The following SUMF1 variants were observed in gnomAD, a reference collection of about 807,000 sequenced individuals.
The protein encoded by SUMF1 is sulfatase modifying factor 1, also known as formylglycine-generating enzyme.
Under a neutral mutation model 47.6 loss-of-function variants are expected in SUMF1, and 48 were observed. The ratio of observed to expected loss-of-function variants is 1.01; its 90% CI spans 0.80 to 1.28. The LOEUF (loss-of-function observed/expected upper bound fraction) is 1.28. Ranked by LOEUF, SUMF1 falls within the 50% of genes most tolerant of loss-of-function variation. The pLI, the probability that SUMF1 is intolerant of heterozygous loss-of-function variation, is 0.00. For missense variants in SUMF1, 571 were observed against 485.4 expected, an observed-to-expected ratio of 1.18 and a Z score of -1.66; for synonymous variants, 230 against 192.1, an observed-to-expected ratio of 1.20 and a Z score of -1.63.
intron 8 of SUMF1, among the ~76,000 whole-genome samples, chr3:4,328,238 TA>T (rs1459929230): frequency 6.6e-6 from 1 of 151,814 alleles, no homozygotes; most frequent in African/African-American, 2.4e-5. Flanking sequence ...AATATAAATT[TA>T]AAAAATAAAT....
intron 8 of SUMF1, among the ~76,000 whole-genome samples, chr3:4,306,085 G>A (rs201594178): frequency 1.3e-5 from 2 of 152,086 alleles, no homozygotes; most frequent in Non-Finnish European, 2.9e-5. Flanking sequence ...ACAGAAAAAC[G>A]CACTCTACCC....
intron 8 of SUMF1, among the ~76,000 whole-genome samples, chr3:4,284,679 C>T (rs1407792933): frequency 6.6e-6 from 1 of 151,784 alleles, no homozygotes; most frequent in African/African-American, 2.4e-5. Context: ...GGCAGTCACA[C>T]TAGCGTCAAC....
chr3:4,308,893 C>A (rs1047437197), intron 8 of SUMF1, among the ~76,000 whole-genome samples: 1 of 152,220 alleles, frequency 6.6e-6, no homozygotes, highest in African/African-American at 2.4e-5. Flanking sequence ...TATGAGTGAG[C>A]ATGGACCATG....
At chr3:4,159,523 G>GT (rs200112225) in intron 8 of SUMF1, among the ~76,000 whole-genome samples, 39 of 150,558 alleles carry the variant, frequency 2.6e-4, no homozygotes, top group African/African-American at 7.8e-4. Context: ...AAAAGTTGTA[G>GT]TTTTTTTTTG....
intron 8 of SUMF1, among the ~76,000 whole-genome samples, chr3:4,287,522 T>C (rs924975645): frequency 1.3e-5 from 2 of 152,168 alleles, no homozygotes; most frequent in African/African-American, 4.8e-5. Flanking sequence ...TCATTTCTCA[T>C]TCCACATTGA....
intron 9 of SUMF1, among the ~76,000 whole-genome samples, chr3:4,049,027 A>G (rs1695057316): frequency 6.6e-6 from 1 of 152,190 alleles, no homozygotes; most frequent in Non-Finnish European, 1.5e-5. Context: ...CTAACCTAAC[A>G]GATATAGATT....
At chr3:4,087,706 T>G (rs1047473902) in intron 8 of SUMF1, among the ~76,000 whole-genome samples, 1 of 151,800 alleles carries the variant, frequency 6.6e-6, no homozygotes, top group African/African-American at 2.4e-5. Flanking sequence ...ATAATCAAAT[T>G]GAAAGGAAAC....
In SUMF1 at chr3:4,155,615, T is replaced by C. The variant is rs180883303; in HGVS notation, c.1015-86870A>G. 5.3e-5 allele frequency among the ~76,000 whole-genome samples: 8 copies of C among 151,600 alleles called. 1 individual carries two copies. Among genetic ancestry groups the C allele is most frequent in the African/African-American group, 2.0e-4 (8 of 40,958 alleles). On this transcript the variant is annotated intron_variant and NMD_transcript_variant, in intron 8 of 12. Coordinates refer to the SUMF1 transcript ENST00000448413. ...CAATTTTCTCTTCAGATCAGTTCTA[T>C]GATGTGATTTGGGGCTCAGCTTTAA...
At chr3:4,102,651 T>A (rs1364768087) in intron 8 of SUMF1, among the ~76,000 whole-genome samples, 1 of 152,156 alleles carries the variant, frequency 6.6e-6, no homozygotes, top group Non-Finnish European at 1.5e-5. Flanking sequence ...CATTGCTTAG[T>A]ATTATATATG....
chr3:4,064,806 G>A (rs1695341037), intron 9 of SUMF1, among the ~76,000 whole-genome samples: 1 of 152,124 alleles, frequency 6.6e-6, no homozygotes, highest in Non-Finnish European at 1.5e-5. Flanking sequence ...TCCTGAGAAG[G>A]AGTACGCTTC....
chr3:4,061,198 T>A (rs1027458904), intron 9 of SUMF1, among the ~76,000 whole-genome samples: 2 of 152,202 alleles, frequency 1.3e-5, no homozygotes, highest in Non-Finnish European at 2.9e-5. Context: ...ATAGCACTGA[T>A]GTTTATGGTT....
chr3:4,138,095 A>C (rs1693987663), intron 8 of SUMF1, among the ~76,000 whole-genome samples: 1 of 152,080 alleles, frequency 6.6e-6, no homozygotes, highest in Admixed American at 6.6e-5. Context: ...TTAGGAATAA[A>C]TTTAAAAAGG....
At chr3:4,439,845 A>T (rs956433233) in intron 3 of SUMF1, among the ~76,000 whole-genome samples, 5 of 152,014 alleles carry the variant, frequency 3.3e-5, no homozygotes, top group Non-Finnish European at 5.9e-5. Context: ...AAGCCACTGC[A>T]CCCAGCCAAG....
intron 8 of SUMF1, among the ~76,000 whole-genome samples, chr3:4,092,221 C>G (rs1692803608): frequency 6.6e-6 from 1 of 152,134 alleles, no homozygotes; most frequent in African/African-American, 2.4e-5. Flanking sequence ...CAATTTCACA[C>G]AGGGCCAGGG....
chr3:4,445,066 T>C (rs185654418), intron 3 of SUMF1, among the ~76,000 whole-genome samples: 21 of 152,336 alleles, frequency 1.4e-4, no homozygotes, highest in African/African-American at 4.8e-4. Flanking sequence ...GCATGTGGTT[T>C]CTTTTAGGGC....
At chr3:4,319,561 C>T (rs574226707) in intron 8 of SUMF1, among the ~76,000 whole-genome samples, 3 of 152,166 alleles carry the variant, frequency 2.0e-5, no homozygotes, top group Non-Finnish European at 4.4e-5. Context: ...TCAGATGAGA[C>T]AAATGTAAAT....
rs377584798 is a variant in SUMF1 at position 4,146,277 on chromosome 3, T to C, written c.1015-77532A>G. 7.7e-4 allele frequency among the ~76,000 whole-genome samples: 116 copies of C among 150,806 alleles called. 3 individuals carry two copies. The South Asian group carries it at 0.024, about 31-fold the overall frequency. ...TAAAACGTGCAGAAATGAAGGGAGA[T>C]GGTAAGAACAGAAGAGGGAGCAGCA... On this transcript the variant is annotated intron_variant and NMD_transcript_variant, in intron 8 of 12. Transcript: ENST00000448413.
intron 8 of SUMF1, among the ~76,000 whole-genome samples, chr3:4,320,267 G>C (rs1698800409): frequency 6.6e-6 from 1 of 152,186 alleles, no homozygotes; most frequent in Non-Finnish European, 1.5e-5. Context: ...GCTGATCTAA[G>C]TAACTTTGGA....
chr3:4,078,318 T>C (rs1488654802), intron 8 of SUMF1, among the ~76,000 whole-genome samples: 1 of 144 alleles, frequency 6.9e-3, no homozygotes. Context: ...AGGCCAAGCT[T>C]GCTAAACTCA....
Sources: allele counts gnomAD v4.1 joint callset (sites outside exome capture counted in the v4.1 genomes callset), GRCh38; gene constraint gnomAD v4.1.1; transcripts MANE v1.5; gene names NCBI Gene and HGNC (gene_info 2026-07-23, HGNC 2026-07-21).